Variants in CDH18 observed in about 807,000 individuals in gnomAD.
The protein encoded by CDH18 is cadherin-18.
A neutral mutation model predicts 67.9 loss-of-function variants in CDH18; 31 were observed. The observed-to-expected ratio is 0.46, with a 90% CI of 0.34 to 0.62. The LOEUF is 0.62. Ranked by LOEUF, CDH18 falls within the 20% of genes least tolerant of loss-of-function variation. CDH18 has a pLI of 0.01. For synonymous variants in CDH18, 362 were observed against 347.2 expected (o/e 1.04, Z -0.48); for missense variants, 890 against 975.5 (o/e 0.91, Z 1.17).
intron 2 of CDH18, among the ~76,000 whole-genome samples, chr5:19,958,448 C>T (rs1425491166): frequency 3.4e-5 from 5 of 146,776 alleles, no homozygotes; most frequent in Non-Finnish European, 7.5e-5. Context: ...TTATGAACTG[C>T]CATCAAGGTC....
At chr5:20,126,684 T>C (rs1383054653) in intron 2 of CDH18, among the ~76,000 whole-genome samples, 2 of 152,276 alleles carry the variant, frequency 1.3e-5, no homozygotes, top group East Asian at 1.9e-4. Context: ...AAAGAAAGCA[T>C]ACAAATGACC....
chr5:20,300,085 A>T (rs1273629362), intron 1 of CDH18, among the ~76,000 whole-genome samples: 1 of 151,486 alleles, frequency 6.6e-6, no homozygotes, highest in Non-Finnish European at 1.5e-5. Context: ...TGTGACACTT[A>T]AAAAAAAATC....
intron 8 of CDH18, among the ~76,000 whole-genome samples, chr5:19,559,923 A>AC (rs1444696937): frequency 1.3e-5 from 2 of 148,950 alleles, no homozygotes; most frequent in African/African-American, 5.0e-5. Context: ...TGCAAAAACA[A>AC]ACAAAAAAAA....
At chr5:19,519,405 T>G (rs1400378638) in intron 10 of CDH18, among the ~76,000 whole-genome samples, 5 of 152,296 alleles carry the variant, frequency 3.3e-5, no homozygotes, top group African/African-American at 4.8e-5. Flanking sequence ...TGACTTGGCA[T>G]GATTTGGGAA....
In CDH18 at chr5:20,110,042, T is replaced by C. The variant is rs529055860; in HGVS notation, c.-517-118028A>G. On this transcript the variant is annotated intron_variant, in intron 2 of 14. Coordinates refer to the CDH18 transcript ENST00000507958. ...CAGAGAGAGATCATGACAAGAAGCA[T>C]ATATATTATTTCTCAACTTTCAGAT... Among the ~76,000 whole-genome samples the C allele has an allele frequency of 1.1e-3, 164 of 152,278 alleles. 1 individual carries two copies. The Middle Eastern group carries it at 0.017, about 16-fold the overall frequency.
chr5:19,498,171 G>A (rs948102235), intron 11 of CDH18, among the ~76,000 whole-genome samples: 9 of 152,082 alleles, frequency 5.9e-5, no homozygotes, highest in African/African-American at 2.2e-4. Context: ...CTGTATCAGA[G>A]AGTATCATTA....
intron 2 of CDH18, among the ~76,000 whole-genome samples, chr5:20,100,607 T>C (rs906232803): frequency 6.6e-6 from 1 of 152,222 alleles, no homozygotes. Flanking sequence ...ATTTTGCTTA[T>C]GTGTTTGTGT....
At chr5:20,271,540 G>T (rs989226300) in intron 1 of CDH18, among the ~76,000 whole-genome samples, 1 of 151,866 alleles carries the variant, frequency 6.6e-6, no homozygotes, top group African/African-American at 2.4e-5. Flanking sequence ...ATTTACCCCA[G>T]AAATAGGTAC....
intron 8 of CDH18, among the ~76,000 whole-genome samples, chr5:19,546,245 G>A (rs1410873046): frequency 6.6e-6 from 1 of 152,214 alleles, no homozygotes; most frequent in Middle Eastern, 3.2e-3. Flanking sequence ...TATATTGAAT[G>A]TGAAGATACA....
chr5:19,635,276 C>T (rs750510420), intron 5 of CDH18, among the ~76,000 whole-genome samples: 1 of 152,114 alleles, frequency 6.6e-6, no homozygotes, highest in Non-Finnish European at 1.5e-5. Context: ...TGTAGGAGTA[C>T]TTTATATCTT....
intron 2 of CDH18, among the ~76,000 whole-genome samples, chr5:20,007,672 AGTGTGTGT>A (rs145213048): frequency 0.025 from 3,514 of 140,224 alleles, 113 homozygotes; most frequent in African/African-American, 0.079. Flanking sequence ...GTGTGTGGAA[AGTGTGTGT>A]GTGTGTGTGT....
At chr5:19,656,287 T>G (rs1756379240) in intron 5 of CDH18, among the ~76,000 whole-genome samples, 1 of 152,094 alleles carries the variant, frequency 6.6e-6, no homozygotes, top group African/African-American at 2.4e-5. Context: ...TAATAATAAT[T>G]CGTGTTTTTT....
chr5:20,436,277 G>T (rs1477496353), intron 1 of CDH18, among the ~76,000 whole-genome samples: 2 of 151,908 alleles, frequency 1.3e-5, no homozygotes, highest in African/African-American at 4.8e-5. Context: ...CCATTCTGTT[G>T]TGGGAATCCG....
chr5:20,313,170 A>C (rs2149992930), intron 1 of CDH18, among the ~76,000 whole-genome samples: 1 of 152,250 alleles, frequency 6.6e-6, no homozygotes, highest in Non-Finnish European at 1.5e-5. Context: ...GTTATTAGTT[A>C]TGCAGTCAAT....
chr5:19,502,428 T>C (rs1743406756), intron 11 of CDH18, among the ~76,000 whole-genome samples: 1 of 152,100 alleles, frequency 6.6e-6, no homozygotes, highest in African/African-American at 2.4e-5. Context: ...GTTACTAAAT[T>C]ATGGGATTAT....
intron 11 of CDH18, among the ~76,000 whole-genome samples, chr5:19,488,541 T>C (rs956747074): frequency 6.6e-6 from 1 of 152,136 alleles, no homozygotes; most frequent in South Asian, 2.1e-4. Context: ...ATAGGCATGG[T>C]TTCATATTGT....
intron 2 of CDH18, among the ~76,000 whole-genome samples, chr5:19,936,422 C>A (rs542807276): frequency 6.6e-6 from 1 of 150,956 alleles, no homozygotes; most frequent in African/African-American, 2.4e-5. Context: ...GTCCTTTAAC[C>A]TGAACTACTC....
At chr5:19,750,953 A>G (rs906238332) in intron 3 of CDH18, among the ~76,000 whole-genome samples, 2 of 152,108 alleles carry the variant, frequency 1.3e-5, no homozygotes, top group African/African-American at 4.8e-5. Context: ...TCATCACATA[A>G]CAAAGTAGGC....
intron 1 of CDH18, among the ~76,000 whole-genome samples, chr5:20,346,168 T>TA (rs1233379516): frequency 6.6e-6 from 1 of 152,186 alleles, no homozygotes; most frequent in Non-Finnish European, 1.5e-5. Flanking sequence ...AGGATTTCCC[T>TA]AGTAGTCCTC....
Sources: gnomAD v4.1 joint callset for allele counts (sites outside exome capture counted in the v4.1 genomes callset) on GRCh38, gnomAD v4.1.1 for gene constraint, MANE v1.5 for transcripts, NCBI Gene and HGNC (gene_info 2026-07-23, HGNC 2026-07-21) for gene names.